The following SYNM variants were observed in gnomAD, a reference collection of about 807,000 sequenced individuals.
The protein encoded by SYNM is synemin, also known as desmuslin.
A neutral mutation model predicts 104.0 loss-of-function variants in SYNM; 95 were observed. That is an observed-to-expected ratio of 0.91 (90% confidence interval 0.77 to 1.08). SYNM has a LOEUF of 1.08. Ranked by LOEUF, SYNM falls within the 50% of genes least tolerant of loss-of-function variation. The pLI is 0.00. For missense variants in SYNM, 2,150 were observed against 2,052.2 expected, an observed-to-expected ratio of 1.05 and a Z score of -0.92; for synonymous variants, 918 against 869.0, an observed-to-expected ratio of 1.06 and a Z score of -0.99.
chr15:99,117,661 C>G (rs2067361855), intron 2 of SYNM, among the ~76,000 whole-genome samples: 1 of 152,160 alleles, frequency 6.6e-6, no homozygotes, highest in African/African-American at 2.4e-5. Flanking sequence ...TTCCCTACTT[C>G]GTCCTGCCCC....
Position 99,132,836 on chromosome 15 carries a change from C to CG in SYNM, c.4477dup (p.Ala1493GlyfsTer4). ...TGTCTGACCGTGGTTCCTGGAGAGA[C>CG]GCGGACAGTAGGAATGACCAGGCAG... On this transcript the variant is annotated frameshift_variant, in exon 4 of 4. Coordinates refer to ENST00000336292, the MANE Select transcript of SYNM (RefSeq NM_145728.3). LOFTEE classifies it high-confidence loss of function. The CG allele has an allele frequency of 1.2e-6, 2 of 1,613,824 alleles. No individual in the cohort carries two copies. Among genetic ancestry groups the CG allele is most frequent in the Non-Finnish European group, 1.7e-6 (2 of 1,179,872 alleles).
rs530762624 is a variant in SYNM, at chr15:99,130,655, C to T, written c.2295C>T (p.Ser765=). ...GCGGGGAGAAGCCGGAGGAGTTTTC[C>T]GTCCCATTCAAAGTGGAGGAGGTCG... ...YVSGEKPEEF[S]VPFKVEEVED... is the part of the protein sequence containing the mutation. The change falls in exon 4 of 4, where the codon TCC becomes TCT. Residue 765 remains serine (S), a synonymous_variant. Transcript: ENST00000336292. 4.4e-5 allele frequency: 71 copies of T among 1,613,682 alleles called. No homozygotes were observed. The highest frequency in any genetic ancestry group is 4.3e-4 in the Admixed American group (26 of 59,954).
In SYNM at chr15:99,130,267, A is replaced by G; in HGVS notation, c.1907A>G (p.Glu636Gly). 6.2e-7 allele frequency: 1 copy of G among 1,614,016 alleles called. No individual in the cohort carries two copies. Among genetic ancestry groups the G allele is most frequent in the Middle Eastern group, 1.6e-4 (1 of 6,062 alleles). ...TCTCTGCAAGGCGATTCCATGACAGAAACCGTAGCAGAAAACATCGTTACC... is the reference window on the plus strand; with the variant it reads ...TCTCTGCAAGGCGATTCCATGACAGGAACCGTAGCAGAAAACATCGTTACC... ...TGSLQGDSMT[E>G]TVAENIVTSI... Residue 636 changes from glutamate (E) to glycine (G), a missense_variant, in exon 4 of 4, where the codon GAA becomes GGA. Physicochemically the swap from Glu to Gly is moderately conservative, Grantham distance 98. Transcript: ENST00000336292.
intron 2 of SYNM, among the ~76,000 whole-genome samples, chr15:99,121,631 C>T (rs1567279387): frequency 6.6e-6 from 1 of 152,194 alleles, no homozygotes; most frequent in Non-Finnish European, 1.5e-5. Flanking sequence ...ATGTGAAGAC[C>T]TGGTCCAGAT....
In SYNM at chr15:99,130,745, C is replaced by T. The variant is rs1555485664; in HGVS notation, c.2385C>T (p.Val795=). Residue 795 remains valine (V), a synonymous_variant, in exon 4 of 4, where the codon GTC becomes GTT. Coordinates refer to ENST00000336292, the MANE Select transcript of SYNM (RefSeq NM_145728.3). ...KEEEGYGESD[V]TFSVNQHRRT... ...AGGAAGGTTATGGAGAAAGCGATGT[C>T]ACATTCTCAGTTAATCAGCATCGAA... 6.2e-7 allele frequency: 1 copy of T among 1,613,944 alleles called. No individual in the cohort carries two copies.
intron 1 of SYNM, among the ~76,000 whole-genome samples, chr15:99,107,699 C>T (rs2067259775): frequency 6.6e-6 from 1 of 152,196 alleles, no homozygotes; most frequent in African/African-American, 2.4e-5. Context: ...GTTCCCCTGA[C>T]TGGAGGAGAC....
rs1207921895 is a variant in SYNM at position 99,135,266 on chromosome 15, GGAGT to G, written c.*2214_*2217del. On this transcript the variant is annotated 3_prime_UTR_variant, in exon 4 of 4. Coordinates refer to ENST00000336292, the MANE Select transcript of SYNM (RefSeq NM_145728.3). ...TTGGTTGCTAAATGTGAATCACGCG[GGAGT>G]GAGTGTGCCCTTCACACTGTGACAT... The G allele has an allele frequency of 3.3e-5, 5 of 152,756 alleles. No individual in the cohort carries two copies. The highest frequency in any genetic ancestry group is 7.4e-5 in the Non-Finnish European group (5 of 68,026). The allele number at this position is 152,756 out of a possible 1,614,324, so 9.5% of individuals were successfully genotyped here.
Position 99,105,370 on chromosome 15 carries a change from G to A in SYNM, c.171G>A (p.Gln57=). ...GAGAGGGCCTGTGGGCCGAGGGGCA[G>A]GCCCGCTGCGCCGAGGAGGCGCGCA... ...RGREGLWAEG[Q]ARCAEEARSL... The change falls in exon 1 of 4, where the codon CAG becomes CAA. Residue 57 remains glutamine (Q), a synonymous_variant. Coordinates refer to ENST00000336292, the MANE Select transcript of SYNM (RefSeq NM_145728.3). 3 of 1,526,660 alleles carry A rather than the reference G, an allele frequency of 2.0e-6. No homozygotes were observed. The highest frequency in any genetic ancestry group is 2.6e-6 in the Non-Finnish European group (3 of 1,141,786). The allele number at this position is 1,526,660 out of a possible 1,614,324, so 94.6% of individuals were successfully genotyped here.
intron 2 of SYNM, among the ~76,000 whole-genome samples, chr15:99,114,064 A>T (rs1386730723): frequency 6.6e-6 from 1 of 151,718 alleles, no homozygotes; most frequent in African/African-American, 2.4e-5. Context: ...TTGCTCAGAG[A>T]AGTTACAGAA....
At chr15:99,126,260 C>G (rs1567281037) in intron 2 of SYNM, among the ~76,000 whole-genome samples, 1 of 152,236 alleles carries the variant, frequency 6.6e-6, no homozygotes, top group Non-Finnish European at 1.5e-5. Context: ...CTGGTCAGCC[C>G]TCTGCAAGCT....
chr15:99,105,829 G>A lies in SYNM; in HGVS notation c.630G>A (p.Glu210=), dbSNP rs1313322769. 1.3e-6 allele frequency: 2 copies of A among 1,542,838 alleles called. No homozygotes were observed. Among genetic ancestry groups the A allele is most frequent in the Non-Finnish European group, 1.7e-6 (2 of 1,145,892 alleles). ...ACGAGGACGAGGTGCGCGAGCTGGA[G>A]GAGGCGCTGCGGCGCGGCCAGGAGA... ...QLYEDEVREL[E]EALRRGQESR... The change falls in exon 1 of 4, where the codon GAG becomes GAA. Residue 210 remains glutamate (E), a synonymous_variant. Transcript: ENST00000336292.
At chr15:99,107,026 T>A (rs1239846274) in intron 1 of SYNM, among the ~76,000 whole-genome samples, 1 of 152,200 alleles carries the variant, frequency 6.6e-6, no homozygotes, top group East Asian at 1.9e-4. Flanking sequence ...TATCCACAGG[T>A]GATGAGTAAA....
chr15:99,110,961 G>T (rs1173974405), intron 1 of SYNM, among the ~76,000 whole-genome samples: 3 of 152,230 alleles, frequency 2.0e-5, no homozygotes, highest in African/African-American at 7.2e-5. Flanking sequence ...TTTCTGCAGA[G>T]ACCACTGGGA....
chr15:99,120,189 G>T (rs1336803816), intron 2 of SYNM, among the ~76,000 whole-genome samples: 3 of 152,188 alleles, frequency 2.0e-5, no homozygotes, highest in Non-Finnish European at 4.4e-5. Flanking sequence ...TCCATGCCCT[G>T]TTGAACGTGG....
rs2067224534 is a variant in SYNM at position 99,105,513 on chromosome 15, C to T, written c.314C>T (p.Ala105Val). 7.9e-7 allele frequency: 1 copy of T among 1,266,766 alleles called. No homozygotes were observed. Among genetic ancestry groups the T allele is most frequent in the Non-Finnish European group, 9.9e-7 (1 of 1,009,480 alleles). 78.5% of individuals were successfully genotyped at this position (1,266,766 alleles called of 1,614,324 possible). Residue 105 changes from alanine (A) to valine (V), a missense_variant, in exon 1 of 4, where the codon GCC (alanine) becomes GTC (valine). By Grantham distance (64) the Ala-to-Val change is moderately conservative (BLOSUM62 0). Coordinates refer to ENST00000336292, the MANE Select transcript of SYNM (RefSeq NM_145728.3). The stretch of plus-strand genomic sequence containing the variant: ...CGCCTGGATGCGGAGGAGCGCGCCG[C>T]CCGCGGCCGCCTGGACGCCGAGCTG... ...LQRLDAEERA[A>V]RGRLDAELGA...
At chr15:99,123,921 C>T (rs185666393) in intron 2 of SYNM, among the ~76,000 whole-genome samples, 12 of 152,388 alleles carry the variant, frequency 7.9e-5, no homozygotes, top group African/African-American at 2.2e-4. Flanking sequence ...CTCAGGACGC[C>T]GGGTGGCCCA....
At chr15:99,128,600 C>T (rs1420791509) in intron 3 of SYNM, among the ~76,000 whole-genome samples, 4 of 152,172 alleles carry the variant, frequency 2.6e-5, no homozygotes, top group African/African-American at 7.2e-5. Flanking sequence ...TCGGGGTGGA[C>T]GGTGCTCCTG....
intron 1 of SYNM, among the ~76,000 whole-genome samples, chr15:99,111,309 T>A (rs1203240865): frequency 1.3e-5 from 2 of 152,252 alleles, no homozygotes; most frequent in Non-Finnish European, 2.9e-5. Flanking sequence ...TTTGTAATAG[T>A]TATGTCAAAT....
At chr15:99,126,460 C>T (rs2067448528) in intron 2 of SYNM, among the ~76,000 whole-genome samples, 1 of 152,234 alleles carries the variant, frequency 6.6e-6, no homozygotes, top group Admixed American at 6.5e-5. Flanking sequence ...ATTTTGTTCA[C>T]TGGGCTAGTA....
Sources: gnomAD v4.1 joint callset for allele counts (sites outside exome capture counted in the v4.1 genomes callset) on GRCh38, gnomAD v4.1.1 for gene constraint, MANE v1.5 for transcripts, NCBI Gene and HGNC (gene_info 2026-07-23, HGNC 2026-07-21) for gene names.